The following ITGA9 variants were observed in gnomAD, a reference collection of about 807,000 sequenced individuals.
ITGA9 encodes the protein integrin alpha-9.
ITGA9 carries 56 observed loss-of-function variants against 127.8 expected under a neutral mutation model. The observed-to-expected ratio is 0.44, with a 90% CI of 0.35 to 0.55. ITGA9 has a LOEUF of 0.55. Among genes scored for constraint, ITGA9 ranks in the 20% least tolerant of loss-of-function variants. The pLI is 0.00. For synonymous variants in ITGA9, 508 were observed against 514.5 expected (o/e 0.99, Z 0.17); for missense variants, 1,196 against 1,347.1 (o/e 0.89, Z 1.76).
rs772236793 is a variant in ITGA9 at position 37,814,244 on chromosome 3, C to T, written c.3010-4647C>T. Among the ~76,000 whole-genome samples the T allele has an allele frequency of 9.9e-5, 15 of 152,108 alleles. 1 individual carries two copies. The highest frequency in any genetic ancestry group is 2.1e-4 in the South Asian group (1 of 4,824). On this transcript the variant is annotated intron_variant, in intron 27 of 27. Coordinates refer to ENST00000264741, the MANE Select transcript of ITGA9 (RefSeq NM_002207.3). This position sits in a 1 kb window ranked among gnomAD's most constrained non-coding sequence, Gnocchi z 4.3. ...ATCCCATTGATCTCTTAGGCAGAGA[C>T]GAAGACACTATGGCTCGAAGCCAGA...
At chr3:37,623,502 G>T (rs965226287) in intron 15 of ITGA9, among the ~76,000 whole-genome samples, 1 of 152,178 alleles carries the variant, frequency 6.6e-6, no homozygotes, top group Non-Finnish European at 1.5e-5. Flanking sequence ...GCCCATAAAT[G>T]TTGGGGTTAC....
chr3:37,572,148 ATGCGTGTCATT>A (rs1699608249), intron 15 of ITGA9, among the ~76,000 whole-genome samples: 1 of 151,986 alleles, frequency 6.6e-6, no homozygotes, highest in Non-Finnish European at 1.5e-5. Context: ...CTGAGGATGG[ATGCGTGTCATT>A]CACACACCAA....
intron 15 of ITGA9, among the ~76,000 whole-genome samples, chr3:37,613,170 G>A (rs1700040635): frequency 6.9e-6 from 1 of 145,396 alleles, no homozygotes; most frequent in Non-Finnish European, 1.5e-5. Context: ...GTGTCCATGT[G>A]TTCTCATTGT....
intron 15 of ITGA9, among the ~76,000 whole-genome samples, chr3:37,545,719 C>A (rs1266936853): frequency 2.0e-5 from 3 of 152,208 alleles, no homozygotes; most frequent in Non-Finnish European, 2.9e-5. Context: ...GGGCCCCTCC[C>A]ACTAGCCAGT....
chr3:37,788,259 A>G (rs759322173), intron 26 of ITGA9, among the ~76,000 whole-genome samples: 3 of 152,088 alleles, frequency 2.0e-5, no homozygotes, highest in Non-Finnish European at 2.9e-5. Context: ...ATATACCCAC[A>G]ATTCACACTT....
At chr3:37,551,873 A>G (rs144155612) in intron 15 of ITGA9, among the ~76,000 whole-genome samples, 1 of 152,376 alleles carries the variant, frequency 6.6e-6, no homozygotes, top group African/African-American at 2.4e-5. Context: ...GACAGGCCCA[A>G]GAGGGCCTCT....
In ITGA9 at chr3:37,477,027, C is replaced by T. The variant is rs1459325614; in HGVS notation, c.420+3567C>T. Among the ~76,000 whole-genome samples, 2 of 152,156 alleles carry T rather than the reference C, an allele frequency of 1.3e-5. 1 individual carries two copies. The highest frequency in any genetic ancestry group is 4.2e-4 in the South Asian group (2 of 4,790). On this transcript the variant is annotated intron_variant, in intron 3 of 27. Coordinates refer to ENST00000264741, the MANE Select transcript of ITGA9 (RefSeq NM_002207.3). The stretch of plus-strand genomic sequence containing the variant: ...ACCAGGAAACATTCTGTAAAATGTT[C>T]CTTGGAAATGGCAGGCAAAAACAAG...
At chr3:37,779,802 C>A in intron 24 of ITGA9, 100 bp from the exon 25 acceptor site, 1 of 1,146,670 alleles carries the variant, frequency 8.7e-7, no homozygotes, top group Non-Finnish European at 1.3e-6. Context: ...CCTGGAATTG[C>A]CTTAGTCACC....
chr3:37,737,563 G>A (rs376648214), intron 20 of ITGA9, among the ~76,000 whole-genome samples: 11 of 152,328 alleles, frequency 7.2e-5, no homozygotes, highest in African/African-American at 2.6e-4. Context: ...CTCCAGGATA[G>A]CCATGAGTGC....
intron 14 of ITGA9, among the ~76,000 whole-genome samples, chr3:37,537,337 C>T (rs1699218658): frequency 1.0e-5 from 1 of 100,206 alleles, no homozygotes; most frequent in Non-Finnish European, 2.2e-5. Context: ...AGTTCCTTTG[C>T]CCTCTCCAGC....
At chr3:37,563,994 G>A (rs996339297) in intron 15 of ITGA9, among the ~76,000 whole-genome samples, 5 of 152,154 alleles carry the variant, frequency 3.3e-5, no homozygotes, top group Non-Finnish European at 7.4e-5. Flanking sequence ...CGACTTTTAT[G>A]TCAAAAAACA....
intron 13 of ITGA9, 124 bp downstream of exon 13, chr3:37,526,195 A>G: frequency 1.2e-6 from 1 of 827,210 alleles, no homozygotes; most frequent in Non-Finnish European, 2.1e-6. Context: ...AGTAAGTGGA[A>G]ATGCTACCTT....
intron 15 of ITGA9, among the ~76,000 whole-genome samples, chr3:37,610,964 G>A (rs1559548760): frequency 1.3e-5 from 2 of 151,976 alleles, no homozygotes; most frequent in African/African-American, 2.4e-5. Flanking sequence ...TAAAAATGAG[G>A]GAAGATCTGA....
chr3:37,757,090 G>T (rs1301003730), intron 23 of ITGA9, among the ~76,000 whole-genome samples: 1 of 151,578 alleles, frequency 6.6e-6, no homozygotes, highest in Non-Finnish European at 1.5e-5. Flanking sequence ...GAACTAAATT[G>T]ACAACATAAA....
chr3:37,491,104 G>A (rs1698668238), intron 4 of ITGA9, among the ~76,000 whole-genome samples: 1 of 151,776 alleles, frequency 6.6e-6, no homozygotes, highest in South Asian at 2.1e-4. Context: ...AGCCTCCTGA[G>A]TAGCTGGGAC....
At chr3:37,641,151 C>T (rs368444647) in intron 16 of ITGA9, among the ~76,000 whole-genome samples, 4 of 152,174 alleles carry the variant, frequency 2.6e-5, no homozygotes, top group Admixed American at 2.0e-4. Flanking sequence ...AGTACCAGTC[C>T]GGCCACACAG....
Position 37,533,422 on chromosome 3 carries a change from C to T in ITGA9, c.1482C>T (p.Val494=), listed in dbSNP as rs749718114. 2 of 1,614,208 alleles carry T rather than the reference C, an allele frequency of 1.2e-6. No homozygotes were observed. Among genetic ancestry groups the T allele is most frequent in the Admixed American group, 3.3e-5 (2 of 60,022 alleles). The change falls in exon 14 of 28, where the codon GTC becomes GTT. Residue 494 remains valine (V), a synonymous_variant. Coordinates refer to ENST00000264741, the MANE Select transcript of ITGA9 (RefSeq NM_002207.3). ...AGCAGCCTGTGAACTGCCTGAACGT[C>T]ACCACCTGCTTCAGCTTCCATGGCA... ...DGQQPVNCLN[V]TTCFSFHGKH...
intron 3 of ITGA9, among the ~76,000 whole-genome samples, chr3:37,474,459 T>C (rs1698469686): frequency 6.6e-6 from 1 of 152,224 alleles, no homozygotes; most frequent in Non-Finnish European, 1.5e-5. Context: ...GGTTTTGTTT[T>C]TGTCAATTTT....
intron 15 of ITGA9, among the ~76,000 whole-genome samples, chr3:37,590,501 A>G (rs1699804947): frequency 6.6e-6 from 1 of 152,148 alleles, no homozygotes; most frequent in African/African-American, 2.4e-5. Context: ...CCGAAGACAC[A>G]TTGTTCCTGT....
Sources: gnomAD v4.1 joint callset for allele counts (sites outside exome capture counted in the v4.1 genomes callset) on GRCh38, gnomAD v4.1.1 for gene constraint, Gnocchi (gnomAD v3.1) non-coding constraint, MANE v1.5 for transcripts, NCBI Gene and HGNC (gene_info 2026-07-23, HGNC 2026-07-21) for gene names.